The following CDK14 variants were observed in gnomAD, a reference collection of about 807,000 sequenced individuals.
The protein encoded by CDK14 is cyclin dependent kinase 14, also known as cyclin-dependent kinase 14.
Under a neutral mutation model 60.7 loss-of-function variants are expected in CDK14, and 34 were observed. The ratio of observed to expected loss-of-function variants is 0.56; its 90% CI spans 0.43 to 0.75. CDK14 has a LOEUF of 0.75. Ranked by LOEUF, CDK14 falls within the 30% of genes least tolerant of loss-of-function variation. The pLI is 0.00. For missense variants in CDK14, 482 were observed against 564.1 expected (o/e 0.85, Z 1.47); for synonymous variants, 197 against 203.7 (o/e 0.97, Z 0.28).
intron 2 of CDK14, among the ~76,000 whole-genome samples, chr7:90,698,655 A>T (rs562291377): frequency 1.3e-5 from 2 of 152,124 alleles, no homozygotes; most frequent in Non-Finnish European, 2.9e-5. Context: ...AACACCCCCA[A>T]TTTTTTTGGA....
At chr7:90,805,283 A>T (rs1788780247) in intron 5 of CDK14, among the ~76,000 whole-genome samples, 1 of 152,150 alleles carries the variant, frequency 6.6e-6, no homozygotes, top group Non-Finnish European at 1.5e-5. Flanking sequence ...TCAGTTTGAC[A>T]TCTCAAAATC....
chr7:90,736,178 T>C (rs1211810305), intron 3 of CDK14, among the ~76,000 whole-genome samples: 1 of 151,986 alleles, frequency 6.6e-6, no homozygotes, highest in East Asian at 1.9e-4. Flanking sequence ...CCCAGTGAGA[T>C]GAACCGGGTA....
At chr7:91,011,348 A>C (rs1025308113) in intron 10 of CDK14, among the ~76,000 whole-genome samples, 5 of 152,088 alleles carry the variant, frequency 3.3e-5, no homozygotes, top group African/African-American at 1.2e-4. Context: ...TAAATAATTG[A>C]ATGAATGAAG....
At chr7:90,680,386 G>A (rs1052779533) in intron 2 of CDK14, among the ~76,000 whole-genome samples, 3 of 152,076 alleles carry the variant, frequency 2.0e-5, no homozygotes, top group Non-Finnish European at 2.9e-5. Context: ...ATATTATTTG[G>A]TATAATTAAA....
At chr7:90,683,188 C>G (rs890091293) in intron 2 of CDK14, among the ~76,000 whole-genome samples, 1 of 152,136 alleles carries the variant, frequency 6.6e-6, no homozygotes, top group Non-Finnish European at 1.5e-5. Context: ...TGACCCTTGG[C>G]CTTCTCACGT....
At chr7:90,761,296 A>G (rs1439850198) in intron 4 of CDK14, among the ~76,000 whole-genome samples, 1 of 150,096 alleles carries the variant, frequency 6.7e-6, no homozygotes, top group Non-Finnish European at 1.5e-5. Flanking sequence ...TATGTCAGCT[A>G]TGCCCATCTG....
intron 11 of CDK14, among the ~76,000 whole-genome samples, chr7:91,058,091 G>C (rs1305527335): frequency 6.6e-6 from 1 of 152,044 alleles, no homozygotes; most frequent in Non-Finnish European, 1.5e-5. Context: ...TTGAGCAGTG[G>C]TTTGTAGTTC....
At chr7:90,921,634 A>G (rs892040603) in intron 8 of CDK14, among the ~76,000 whole-genome samples, 3 of 152,200 alleles carry the variant, frequency 2.0e-5, no homozygotes, top group African/African-American at 7.2e-5. Context: ...AGTATTAGTC[A>G]TGTCTATACC....
chr7:90,809,295 C>G (rs954167041), intron 5 of CDK14, among the ~76,000 whole-genome samples: 7 of 152,172 alleles, frequency 4.6e-5, no homozygotes, highest in African/African-American at 1.7e-4. Context: ...TGCAATCAAA[C>G]TAGAACTCAG....
At chr7:90,602,005 C>G (rs1457151091) in intron 1 of CDK14, among the ~76,000 whole-genome samples, 2 of 151,894 alleles carry the variant, frequency 1.3e-5, no homozygotes, top group African/African-American at 4.8e-5. Context: ...CAGGGATTCC[C>G]CCTGTTGCCC....
At chr7:90,922,821 G>C (rs1793290427) in intron 8 of CDK14, among the ~76,000 whole-genome samples, 1 of 152,036 alleles carries the variant, frequency 6.6e-6, no homozygotes, top group Admixed American at 6.6e-5. Flanking sequence ...ATAAATATTT[G>C]AGAGCATTTT....
chr7:90,878,654 T>C (rs1474628229), intron 6 of CDK14, among the ~76,000 whole-genome samples: 2 of 152,102 alleles, frequency 1.3e-5, no homozygotes, highest in Admixed American at 6.5e-5. Flanking sequence ...TGACAAAATA[T>C]GGGTTTTGAT....
At chr7:90,968,839 A>G (rs1007876963) in intron 9 of CDK14, among the ~76,000 whole-genome samples, 17 of 151,912 alleles carry the variant, frequency 1.1e-4, no homozygotes, top group African/African-American at 3.9e-4. Flanking sequence ...AAAAAAAAAC[A>G]GCTCTAGAAT....
At chr7:91,050,542 A>G (rs1797361236) in intron 11 of CDK14, among the ~76,000 whole-genome samples, 1 of 152,246 alleles carries the variant, frequency 6.6e-6, no homozygotes, top group South Asian at 2.1e-4. Context: ...GTGCTTACAC[A>G]AAACTTAAGC....
chr7:91,193,252 A>G (rs139433086), intron 14 of CDK14, among the ~76,000 whole-genome samples: 3 of 152,336 alleles, frequency 2.0e-5, no homozygotes, highest in Admixed American at 6.5e-5. Context: ...CTATGGGTCT[A>G]TTAATGGAAA....
At chr7:90,930,893 A>G (rs1281264622) in intron 8 of CDK14, among the ~76,000 whole-genome samples, 9 of 152,170 alleles carry the variant, frequency 5.9e-5, no homozygotes, top group Admixed American at 2.6e-4. Context: ...AGAATGACCA[A>G]TATTTTAACA....
At chr7:90,632,858 G>A (rs1205104045) in intron 2 of CDK14, among the ~76,000 whole-genome samples, 2 of 152,200 alleles carry the variant, frequency 1.3e-5, no homozygotes, top group Non-Finnish European at 2.9e-5. Context: ...GGAAGCCGAG[G>A]TGGGCGGATC....
intron 2 of CDK14, among the ~76,000 whole-genome samples, chr7:90,642,521 A>G (rs546541295): frequency 3.9e-5 from 6 of 152,032 alleles, no homozygotes; most frequent in African/African-American, 4.8e-5. Context: ...ATAGATAGCA[A>G]GAGTTTTTTT....
chr7:90,724,268 C>T (rs1711499352), intron 2 of CDK14, among the ~76,000 whole-genome samples: 1 of 151,946 alleles, frequency 6.6e-6, no homozygotes, highest in Admixed American at 6.6e-5. Context: ...GATATCACTG[C>T]TCCCATTCCT....
Sources: gnomAD v4.1 joint callset for allele counts (sites outside exome capture counted in the v4.1 genomes callset) on GRCh38, gnomAD v4.1.1 for gene constraint, MANE v1.5 for transcripts, NCBI Gene and HGNC (gene_info 2026-07-23, HGNC 2026-07-21) for gene names.